SCAPER: variants seen among roughly 807,000 people sequenced by gnomAD.
SCAPER encodes the protein S phase cyclin A-associated protein in the endoplasmic reticulum.
A neutral mutation model predicts 182.2 loss-of-function variants in SCAPER; 98 were observed. The ratio of observed to expected loss-of-function variants is 0.54; its 90% CI spans 0.46 to 0.64. The LOEUF is 0.64. SCAPER is among the 30% of genes least tolerant of loss of function. SCAPER has a pLI of 0.00. For missense variants in SCAPER, 1,432 were observed against 1,690.0 expected, an observed-to-expected ratio of 0.85 and a Z score of 2.68; for synonymous variants, 605 against 564.6, an observed-to-expected ratio of 1.07 and a Z score of -1.01.
At chr15:76,668,543 A>G (rs892116405) in intron 20 of SCAPER, among the ~76,000 whole-genome samples, 2 of 152,160 alleles carry the variant, frequency 1.3e-5, no homozygotes, top group Admixed American at 6.5e-5. Context: ...TCAGGGCTCT[A>G]TATATGTTGT....
At chr15:76,559,066 G>A (rs1389122297) in intron 23 of SCAPER, among the ~76,000 whole-genome samples, 3 of 151,698 alleles carry the variant, frequency 2.0e-5, no homozygotes, top group Admixed American at 6.6e-5. Context: ...ATGGAGCCTC[G>A]CTCTGTTGCC....
chr15:76,619,951 C>T (rs1467349205), intron 22 of SCAPER, among the ~76,000 whole-genome samples: 3 of 152,108 alleles, frequency 2.0e-5, no homozygotes, highest in Admixed American at 1.3e-4. Flanking sequence ...TGGCACTTAC[C>T]TGTAGTCCCA....
chr15:76,477,561 T>TCC (rs2050755070), intron 24 of SCAPER, among the ~76,000 whole-genome samples: 1 of 152,092 alleles, frequency 6.6e-6, no homozygotes, highest in South Asian at 2.1e-4. Flanking sequence ...AGCCTTTTGA[T>TCC]AGATATTATC....
intron 25 of SCAPER, among the ~76,000 whole-genome samples, chr15:76,448,646 A>G (rs565371266): frequency 1.3e-5 from 2 of 152,264 alleles, no homozygotes; most frequent in Admixed American, 6.5e-5. Flanking sequence ...AGAAAACTAA[A>G]AAGGTATTCT....
chr15:76,876,277 C>T (rs1173343980), intron 2 of SCAPER, among the ~76,000 whole-genome samples: 1 of 152,140 alleles, frequency 6.6e-6, no homozygotes, highest in Non-Finnish European at 1.5e-5. Flanking sequence ...CAGTGGCGGG[C>T]TGAAGGACTC....
chr15:76,464,647 T>C (rs746239537), intron 25 of SCAPER, among the ~76,000 whole-genome samples: 1 of 152,198 alleles, frequency 6.6e-6, no homozygotes. Context: ...ATCCACTCAT[T>C]TGTTGATGAA....
intron 8 of SCAPER, among the ~76,000 whole-genome samples, chr15:76,791,137 C>A (rs1454825731): frequency 6.6e-6 from 1 of 152,188 alleles, no homozygotes; most frequent in Non-Finnish European, 1.5e-5. Context: ...TTTAATCCCA[C>A]TGTGATCAGC....
At chr15:76,512,031 T>C (rs2042091861) in intron 23 of SCAPER, among the ~76,000 whole-genome samples, 1 of 151,584 alleles carries the variant, frequency 6.6e-6, no homozygotes, top group African/African-American at 2.4e-5. Flanking sequence ...TACAGGCACC[T>C]GACAACATGC....
chr15:76,627,228 TA>T (rs35160061), intron 21 of SCAPER, among the ~76,000 whole-genome samples: 40,315 of 133,994 alleles, frequency 0.3, 6,267 homozygotes, highest in East Asian at 0.57. Flanking sequence ...CTTGTTTTAT[TA>T]AAAAAAGAGG....
intron 25 of SCAPER, among the ~76,000 whole-genome samples, chr15:76,458,316 A>G (rs999505719): frequency 1.3e-5 from 2 of 152,050 alleles, no homozygotes; most frequent in African/African-American, 2.4e-5. Flanking sequence ...GAAAAATTAT[A>G]TATGTAGAGA....
At chr15:76,624,068 G>A (rs962486318) in intron 21 of SCAPER, among the ~76,000 whole-genome samples, 4 of 152,132 alleles carry the variant, frequency 2.6e-5, no homozygotes, top group Non-Finnish European at 5.9e-5. Context: ...ATCAGCAAGA[G>A]AATAAAAGGC....
At chr15:76,502,082 T>G (rs1417038055) in intron 24 of SCAPER, among the ~76,000 whole-genome samples, 1 of 152,200 alleles carries the variant, frequency 6.6e-6, no homozygotes. Flanking sequence ...AGAAGAATCT[T>G]AGAGTCAATG....
chr15:76,680,694 C>T (rs1385621274), intron 20 of SCAPER, among the ~76,000 whole-genome samples: 1 of 152,010 alleles, frequency 6.6e-6, no homozygotes, highest in Non-Finnish European at 1.5e-5. Context: ...CTAGAACCTC[C>T]CTCTTCACTC....
intron 20 of SCAPER, among the ~76,000 whole-genome samples, chr15:76,698,860 C>T (rs1252547538): frequency 6.6e-6 from 1 of 152,158 alleles, no homozygotes; most frequent in African/African-American, 2.4e-5. Context: ...GGGCCATATG[C>T]CCATGTTAAC....
intron 23 of SCAPER, among the ~76,000 whole-genome samples, chr15:76,559,465 TA>T: frequency 6.6e-6 from 1 of 152,230 alleles, no homozygotes; most frequent in South Asian, 2.1e-4. Flanking sequence ...GCCATGATTG[TA>T]AGTTTCCTGA....
chr15:76,590,488 G>T (rs982839296), intron 22 of SCAPER, among the ~76,000 whole-genome samples: 2 of 152,016 alleles, frequency 1.3e-5, no homozygotes, highest in Non-Finnish European at 2.9e-5. Flanking sequence ...TCATTTCTAA[G>T]CAAGACTGGG....
At chr15:76,390,071 G>C (rs2938694) in intron 27 of SCAPER, among the ~76,000 whole-genome samples, 147,791 of 152,128 alleles carry the variant, frequency 0.97, 71,924 homozygotes, top group East Asian at 1. Context: ...ATCCTCCCAT[G>C]TCAGCCTCCC....
chr15:76,629,164 A>G (rs140755276), intron 21 of SCAPER, among the ~76,000 whole-genome samples: 318 of 152,362 alleles, frequency 2.1e-3, no homozygotes, highest in African/African-American at 7.5e-3. Context: ...TTGGGCTGAG[A>G]CAATGGGGTT....
At chr15:76,637,599 G>A (rs1350916010) in intron 21 of SCAPER, among the ~76,000 whole-genome samples, 2 of 151,580 alleles carry the variant, frequency 1.3e-5, no homozygotes, top group African/African-American at 4.9e-5. Flanking sequence ...CTAGCTTCTT[G>A]GGAGGCTGAG....
Sources: allele counts gnomAD v4.1 joint callset (sites outside exome capture counted in the v4.1 genomes callset), GRCh38; gene constraint gnomAD v4.1.1; transcripts MANE v1.5; gene names NCBI Gene and HGNC (gene_info 2026-07-23, HGNC 2026-07-21).